ZNF575: variants seen among roughly 807,000 people sequenced by gnomAD.
ZNF575 encodes zinc finger protein 575.
Under a neutral mutation model 17.5 loss-of-function variants are expected in ZNF575, and 17 were observed. The ratio of observed to expected loss-of-function variants is 0.97; its 90% CI spans 0.66 to 1.45. The LOEUF is 1.45. Ranked by LOEUF, ZNF575 falls within the 40% of genes most tolerant of loss-of-function variation. ZNF575 has a pLI of 0.00. For synonymous variants in ZNF575, 146 were observed against 158.3 expected, an observed-to-expected ratio of 0.92 and a Z score of 0.58; for missense variants, 352 against 359.2, an observed-to-expected ratio of 0.98 and a Z score of 0.16.
upstream of ZNF575, among the ~76,000 whole-genome samples, chr19:43,531,109 T>C (rs1945668931): frequency 7.0e-6 from 1 of 143,670 alleles, no homozygotes; most frequent in South Asian, 2.2e-4. Flanking sequence ...TGAAACTCCA[T>C]CTTTACCAAA....
chr19:43,531,190 T>C (rs1244660384), upstream of ZNF575, among the ~76,000 whole-genome samples: 1 of 150,894 alleles, frequency 6.6e-6, no homozygotes, highest in African/African-American at 2.4e-5. Context: ...ACTCAGGACG[T>C]TGAAGCAGGA....
chr19:43,533,137 G>C (rs1389021091), upstream of ZNF575: 1 of 152,242 alleles, frequency 6.6e-6, no homozygotes, highest in African/African-American at 2.4e-5. Context: ...CTTGACTCCA[G>C]TCAGCCACCG....
At chr19:43,531,927 TGCC>T, upstream of ZNF575, 1 of 410,774 alleles carries the variant, frequency 2.4e-6, no homozygotes, top group Non-Finnish European at 4.5e-6. Flanking sequence ...GACTACAGGC[TGCC>T]ATTAAGCCAG....
At chr19:43,534,905 G>A (rs1972392462) in intron 3 of ZNF575, 124 bp from the exon 4 acceptor site, 1 of 950,732 alleles carries the variant, frequency 1.1e-6, no homozygotes, top group South Asian at 2.2e-5. Flanking sequence ...GAGTCTCAAT[G>A]TGATGCTTGA....
At position 43,535,275 on chromosome 19, in the gene ZNF575, A is replaced by T; in HGVS notation, c.326A>T (p.His109Leu). 1.2e-6 allele frequency: 2 copies of T among 1,611,424 alleles called. No homozygotes were observed. Among genetic ancestry groups the T allele is most frequent in the Non-Finnish European group, 1.7e-6 (2 of 1,179,310 alleles). The stretch of plus-strand genomic sequence containing the variant: ...TCCTACCCCTCCAAGCTGGCAGCCC[A>T]CCGCCTCACGCACAGCGGCGCCCGC... ...AFSYPSKLAAHRLTHSGARPH... is the reference protein window; with the variant it reads ...AFSYPSKLAALRLTHSGARPH... Residue 109 changes from histidine (H) to leucine (L), a missense_variant, in exon 4 of 4, where the codon CAC (histidine) becomes CTC (leucine). By Grantham distance (99) the His-to-Leu change is moderately conservative (BLOSUM62 -3). Transcript: ENST00000314228.
rs976532445 is a variant in ZNF575, at chr19:43,533,393, G to C, written c.-323G>C. 2.0e-5 allele frequency: 3 copies of C among 152,182 alleles called. No individual in the cohort carries two copies. Among genetic ancestry groups the C allele is most frequent in the Non-Finnish European group, 4.4e-5 (3 of 68,042 alleles). The allele number at this position is 152,182 out of a possible 1,614,324, so 9.4% of individuals were successfully genotyped here. A position where few individuals can be genotyped will look rare whatever the true frequency, so the allele number is the denominator to read the frequency against. ...GCTCCCTTGCCTGCCCTCCCCCGAC[G>C]CCGGACGCGCGCCGGGCGGGGCAGC... On this transcript the variant is annotated 5_prime_UTR_variant, in exon 1 of 4. Coordinates refer to ENST00000314228, the MANE Select transcript of ZNF575 (RefSeq NM_174945.3).
At position 43,533,420 on chromosome 19, in the gene ZNF575, C is replaced by T. The variant is rs1252407191; in HGVS notation, c.-296C>T. The T allele has an allele frequency of 3.3e-5, 5 of 152,132 alleles. No homozygotes were observed. Among genetic ancestry groups the T allele is most frequent in the African/African-American group, 1.2e-4 (5 of 41,430 alleles). 9.4% of individuals were successfully genotyped at this position (152,132 alleles called of 1,614,324 possible). A position where few individuals can be genotyped will look rare whatever the true frequency, so the allele number is the denominator to read the frequency against. ...CGGACGCGCGCCGGGCGGGGCAGCT[C>T]CGCTGGTCCGAGGGCAGTGCAGCAG... On this transcript the variant is annotated 5_prime_UTR_variant, in exon 1 of 4. Transcript: ENST00000314228.
Position 43,534,260 on chromosome 19 carries a change from C to T in ZNF575, c.-86-77C>T. 4.6e-6 allele frequency: 3 copies of T among 645,738 alleles called. 1 individual carries two copies. The South Asian group carries it at 5.8e-5, about 12-fold the overall frequency. The allele number at this position is 645,738 out of a possible 1,614,324, so 40.0% of individuals were successfully genotyped here. ...CTCACTGTGCTCTTAGGCTCCGCCTCCCCGCTAAGCCTGCCCCCGCCTTAG... is the reference window on the plus strand; with the variant it reads ...CTCACTGTGCTCTTAGGCTCCGCCTTCCCGCTAAGCCTGCCCCCGCCTTAG... On this transcript the variant is annotated intron_variant, in intron 2 of 3. Transcript: ENST00000314228.
At position 43,534,465 on chromosome 19, in the gene ZNF575, C is replaced by A. The variant is rs1404746486; in HGVS notation, c.43C>A (p.Pro15Thr). 6.6e-7 allele frequency: 1 copy of A among 1,509,088 alleles called. No individual in the cohort carries two copies. The highest frequency in any genetic ancestry group is 1.3e-5 in the South Asian group (1 of 76,568). 93.5% of individuals were successfully genotyped at this position (1,509,088 alleles called of 1,614,324 possible). The change falls in exon 3 of 4, where the codon CCT becomes ACT. Residue 15 changes from proline (P) to threonine (T), a missense_variant. Coordinates refer to ENST00000314228, the MANE Select transcript of ZNF575 (RefSeq NM_174945.3). ...GAESAAGATD[P>T]SPTGKEPVTK... ...GGAGTCCGCGGCCGGGGCTACCGATCCTAGTCCCACTGGCAAGGAACCAGT... is the reference window on the plus strand; with the variant it reads ...GGAGTCCGCGGCCGGGGCTACCGATACTAGTCCCACTGGCAAGGAACCAGT...
chr19:43,531,358 T>C (rs1376779298), upstream of ZNF575, among the ~76,000 whole-genome samples: 1 of 150,108 alleles, frequency 6.7e-6, no homozygotes, highest in Non-Finnish European at 1.5e-5. Flanking sequence ...CCAAGACGGG[T>C]GGATCACGAG....
rs1972386969 is a variant in ZNF575 at position 43,534,481 on chromosome 19, A to G, written c.59A>G (p.Lys20Arg). 4 of 1,483,328 alleles carry G rather than the reference A, an allele frequency of 2.7e-6. No homozygotes were observed. In the South Asian group the frequency reaches 5.5e-5, roughly 21 times the overall value. 91.9% of individuals were successfully genotyped at this position (1,483,328 alleles called of 1,614,324 possible). ...AGATDPSPTG[K>R]EPVTKEAPHQ... ...GCTACCGATCCTAGTCCCACTGGCAAGGAACCAGTGACCAAAGAAGGTGAG... is the reference window on the plus strand; with the variant it reads ...GCTACCGATCCTAGTCCCACTGGCAGGGAACCAGTGACCAAAGAAGGTGAG... The change falls in exon 3 of 4, where the codon AAG becomes AGG. Residue 20 changes from lysine (K) to arginine (R), a missense_variant. Physicochemically the swap from Lys to Arg is conservative, Grantham distance 26. Coordinates refer to ENST00000314228, the MANE Select transcript of ZNF575 (RefSeq NM_174945.3).
At position 43,534,322 on chromosome 19, in the gene ZNF575, G is replaced by A; in HGVS notation, c.-86-15G>A. The A allele has an allele frequency of 8.7e-7, 1 of 1,142,860 alleles. No individual in the cohort carries two copies. Among genetic ancestry groups the A allele is most frequent in the South Asian group, 1.3e-5 (1 of 74,910 alleles). The allele number at this position is 1,142,860 out of a possible 1,614,324, so 70.8% of individuals were successfully genotyped here. A position where few individuals can be genotyped will look rare whatever the true frequency, so the allele number is the denominator to read the frequency against. On this transcript the variant is annotated splice_polypyrimidine_tract_variant and intron_variant, in intron 2 of 3. Coordinates refer to ENST00000314228, the MANE Select transcript of ZNF575 (RefSeq NM_174945.3). Reference sequence around the variant, plus strand: ...TGCAGACCTTGCTCCTAAACAGTGTGATCCCTCATTTTAGGCCCTCCAACC... The same window carrying A: ...TGCAGACCTTGCTCCTAAACAGTGTAATCCCTCATTTTAGGCCCTCCAACC...
intron 2 of ZNF575, 85 bp from the exon 3 acceptor site, chr19:43,534,250 GGC>G (rs1972382407): frequency 3.3e-6 from 2 of 611,546 alleles, no homozygotes. Flanking sequence ...TGTGCTCTTA[GGC>G]TCCGCCTCCC....
chr19:43,534,991 G>T, intron 3 of ZNF575, 38 bp from the exon 4 acceptor site: 1 of 1,397,524 alleles, frequency 7.2e-7, no homozygotes, highest in South Asian at 1.6e-5. Context: ...CAGGGCGTTG[G>T]CTGCTTCCTG....
chr19:43,535,826 G>T lies in ZNF575; in HGVS notation c.*139G>T. ...GCAAGGGATTGGCCATTTATACTGG[G>T]CTCGAGCTCAGAAGCCCGAGGAACT... On this transcript the variant is annotated 3_prime_UTR_variant, in exon 4 of 4. Coordinates refer to ENST00000314228, the MANE Select transcript of ZNF575 (RefSeq NM_174945.3). The T allele has an allele frequency of 9.9e-7, 1 of 1,007,346 alleles. No individual in the cohort carries two copies. Among genetic ancestry groups the T allele is most frequent in the Non-Finnish European group, 1.4e-6 (1 of 707,760 alleles). The allele number at this position is 1,007,346 out of a possible 1,614,324, so 62.4% of individuals were successfully genotyped here.
At chr19:43,531,322 C>T (rs1440556022), upstream of ZNF575, among the ~76,000 whole-genome samples, 1 of 151,252 alleles carries the variant, frequency 6.6e-6, no homozygotes, top group Admixed American at 6.6e-5. Context: ...AGTGGCTCAC[C>T]CCTGTAATCC....
Position 43,535,205 on chromosome 19 carries a change from G to A in ZNF575, c.256G>A (p.Gly86Arg), listed in dbSNP as rs766156324. The change falls in exon 4 of 4, where the codon GGA (glycine) becomes AGA (arginine). Residue 86 changes from glycine to arginine, a missense_variant. Physicochemically the swap from Gly to Arg is moderately radical, Grantham distance 125. Coordinates refer to ENST00000314228, the MANE Select transcript of ZNF575 (RefSeq NM_174945.3). Reference protein sequence around the residue: ...SKLATHRLAHGGARPHPCPDC... With the variant: ...SKLATHRLAHRGARPHPCPDC... ...GCTGGCCACGCACCGCTTAGCACAC[G>A]GAGGCGCCCGACCCCACCCATGCCC... 7.5e-6 allele frequency: 12 copies of A among 1,609,700 alleles called. No homozygotes were observed. Among genetic ancestry groups the A allele is most frequent in the Admixed American group, 5.0e-5 (3 of 59,710 alleles).
Position 43,535,657 on chromosome 19 carries a change from C to G in ZNF575, c.708C>G (p.His236Gln). Reference sequence around the variant, plus strand: ...TGCTCCTTCATCAACGCAGCCACCACCAGGTGGAGCACAAGGGGGAGAGAG... The same window carrying G: ...TGCTCCTTCATCAACGCAGCCACCAGCAGGTGGAGCACAAGGGGGAGAGAG... ...RLLLLHQRSH[H>Q]QVEHKGERD The change falls in exon 4 of 4, where the codon CAC becomes CAG. Residue 236 changes from histidine to glutamine, a missense_variant. Transcript: ENST00000314228. The G allele has an allele frequency of 6.2e-7, 1 of 1,612,480 alleles. No homozygotes were observed. The highest frequency in any genetic ancestry group is 1.1e-5 in the South Asian group (1 of 90,934).
At chr19:43,534,270 C>T (rs1363508419) in intron 2 of ZNF575, 67 bp from the exon 3 acceptor site, 6 of 703,046 alleles carry the variant, frequency 8.5e-6, no homozygotes, top group Non-Finnish European at 1.4e-5. Context: ...CCCCGCTAAG[C>T]CTGCCCCCGC....
Sources: gnomAD v4.1 joint callset for allele counts (sites outside exome capture counted in the v4.1 genomes callset) on GRCh38, gnomAD v4.1.1 for gene constraint, MANE v1.5 for transcripts, NCBI Gene and HGNC (gene_info 2026-07-23, HGNC 2026-07-21) for gene names.